PAQR6: variants seen among roughly 807,000 people sequenced by gnomAD.
PAQR6 encodes the protein progestin and adipoQ receptor family member 6.
PAQR6 carries 34 observed loss-of-function variants against 36.2 expected under a neutral mutation model. The observed-to-expected ratio is 0.94, with a 90% CI of 0.71 to 1.25. The LOEUF is 1.25. Among genes scored for constraint, PAQR6 ranks in the 50% most tolerant of loss-of-function variants. The probability of loss-of-function intolerance (pLI) is 0.00; values close to 1 mark genes in which losing one functional copy is unlikely to be tolerated. For missense variants in PAQR6, 431 were observed against 445.7 expected (o/e 0.97, Z 0.30); for synonymous variants, 190 against 190.7 (o/e 1.00, Z 0.03).
chr1:156,245,364 A>G (rs1230135357), intron 5 of PAQR6, 126 bp from the exon 6 acceptor site: 1 of 1,367,800 alleles, frequency 7.3e-7, no homozygotes, highest in Non-Finnish European at 1.0e-6. Flanking sequence ...CCGTTAGGGC[A>G]TATGACCTCC....
rs1183306731 is a variant in PAQR6, at chr1:156,246,267, A to G, written c.52-17T>C. 1 of 1,598,262 alleles carries G rather than the reference A, an allele frequency of 6.3e-7. No individual in the cohort carries two copies. The highest frequency in any genetic ancestry group is 1.3e-5 in the African/African-American group (1 of 74,608). ...CCAGAACACCTAGGGTAGTGGTGGG[A>G]GAGGAAGGGCGTCACTGTGCCCGGA... On this transcript the variant is annotated splice_polypyrimidine_tract_variant and intron_variant, in intron 2 of 7. Coordinates refer to ENST00000292291, the MANE Select transcript of PAQR6 (RefSeq NM_198406.3).
rs775171894 is a variant in PAQR6, at chr1:156,245,791, A to G, written c.376T>C (p.Tyr126His). ...CGCCTGTCCGGCTCACCCAGACTGTAGAGGCTGAGCGCGCCGTAGTCGAGG... is the reference window on the plus strand; with the variant it reads ...CGCCTGTCCGGCTCACCCAGACTGTGGAGGCTGAGCGCGCCGTAGTCGAGG... Reference protein sequence around the residue: ...YFLDYGALSLYSLGCAFPYAA... With the variant: ...YFLDYGALSLHSLGCAFPYAA... The change falls in exon 4 of 8, where the codon TAC becomes CAC. Residue 126 changes from tyrosine (Y) to histidine (H), a missense_variant. Physicochemically the swap from Tyr to His is moderately conservative, Grantham distance 83 (BLOSUM62 2). Transcript: ENST00000292291. The G allele has an allele frequency of 2.5e-6, 4 of 1,598,654 alleles. No individual in the cohort carries two copies. The East Asian group carries it at 6.8e-5, about 27-fold the overall frequency.
chr1:156,246,276 G>C, intron 2 of PAQR6, 26 bp from the exon 3 acceptor site: 14 of 1,580,616 alleles, frequency 8.9e-6, no homozygotes, highest in Non-Finnish European at 1.2e-5. Context: ...GAGAGGAAGG[G>C]CGTCACTGTG....
rs1174868301 is a variant in PAQR6 at position 156,246,829 on chromosome 1, C to T, written c.-25-73G>A. ...CAGGCCCCTTTCACCTGGGTTCAGC[C>T]GCAGGATGGGCTGTGCGTGTGGGAG... On this transcript the variant is annotated intron_variant, in intron 1 of 7. Transcript: ENST00000292291. 6.0e-6 allele frequency: 8 copies of T among 1,331,140 alleles called. No homozygotes were observed. The South Asian group carries it at 6.8e-5, about 11-fold the overall frequency. The allele number at this position is 1,331,140 out of a possible 1,614,324, so 82.5% of individuals were successfully genotyped here.
chr1:156,247,610 C>T (rs12401854), intron 1 of PAQR6: 23,401 of 156,178 alleles, frequency 0.15, 2,099 homozygotes, highest in Admixed American at 0.27. Flanking sequence ...AGCCTCTGCC[C>T]GAGATGGGTG....
intron 1 of PAQR6, among the ~76,000 whole-genome samples, chr1:156,247,181 C>T (rs969752687): frequency 5.3e-5 from 8 of 152,244 alleles, no homozygotes; most frequent in Non-Finnish European, 8.8e-5. Context: ...GAACTGAGCA[C>T]AGAACACTCT....
In PAQR6 at chr1:156,245,232, C is replaced by A; in HGVS notation, c.519G>T (p.Leu173=). Residue 173 remains leucine (L), a synonymous_variant, in exon 6 of 8, where the codon CTG becomes CTT. Coordinates refer to ENST00000292291, the MANE Select transcript of PAQR6 (RefSeq NM_198406.3). ...CTGLSCYSRF[L]ELESPGLSKV... is the part of the protein sequence containing the mutation. ...TACTGAGCCCAGGGCTTTCCAGCTC[C>A]AGGAAACTGGGAGGCGGGAGGAAAA... is the stretch of plus-strand genomic sequence containing the variant. The A allele has an allele frequency of 6.2e-7, 1 of 1,614,022 alleles. No homozygotes were observed. The highest frequency in any genetic ancestry group is 8.5e-7 in the Non-Finnish European group (1 of 1,179,962).
In PAQR6 at chr1:156,244,197, C is replaced by T. The variant is rs1255273639; in HGVS notation, c.967G>A (p.Ala323Thr). The T allele has an allele frequency of 6.2e-7, 1 of 1,612,980 alleles. No individual in the cohort carries two copies. Among genetic ancestry groups the T allele is most frequent in the Non-Finnish European group, 8.5e-7 (1 of 1,179,218 alleles). ...TGCAGCAGAGGGCATGTACTGGGGGCCCGAAGCAGGGTGGCTGTGAAAGCA... is the reference window on the plus strand; with the variant it reads ...TGCAGCAGAGGGCATGTACTGGGGGTCCGAAGCAGGGTGGCTGTGAAAGCA... ...IAAFTATLLR[A>T]PSTCPLLQGG... The change falls in exon 8 of 8, where the codon GCC becomes ACC. Residue 323 changes from alanine (A) to threonine (T), a missense_variant. Physicochemically the swap from Ala to Thr is moderately conservative, Grantham distance 58. Transcript: ENST00000292291.
chr1:156,244,434 A>G, intron 7 of PAQR6, 31 bp from the exon 8 acceptor site: 4 of 1,467,704 alleles, frequency 2.7e-6, no homozygotes, highest in Non-Finnish European at 2.7e-6. Context: ...TCAGAGCCAC[A>G]CCTTTCCCAG....
In PAQR6 at chr1:156,244,385, A is replaced by G. The variant is rs774840759; in HGVS notation, c.779T>C (p.Phe260Ser). ...FDYIGHSHQL[F>S]HICAVLGTHF... ...GGTGCCCAGCACTGCACAGATGTGGAATAACTGGTGGCTGTGGCCTGTGGA... is the reference window on the plus strand; with the variant it reads ...GGTGCCCAGCACTGCACAGATGTGGGATAACTGGTGGCTGTGGCCTGTGGA... Residue 260 changes from phenylalanine (F) to serine (S), a missense_variant, in exon 8 of 8, where the codon TTC (phenylalanine) becomes TCC (serine). Coordinates refer to ENST00000292291, the MANE Select transcript of PAQR6 (RefSeq NM_198406.3). The G allele has an allele frequency of 6.5e-7, 1 of 1,536,184 alleles. No individual in the cohort carries two copies. Among genetic ancestry groups the G allele is most frequent in the Non-Finnish European group, 8.8e-7 (1 of 1,135,872 alleles).
rs555959904 is a variant in PAQR6 at position 156,244,069 on chromosome 1, T to A, written c.*60A>T. The A allele has an allele frequency of 9.9e-6, 16 of 1,613,704 alleles. 1 individual carries two copies. In the Admixed American group the frequency reaches 2.3e-4, roughly 24 times the overall value. ...CACCTGATTAGGCCCAAATCTGGGC[T>A]CCTCGTCAGCACTGGGGCCTGGCCT... On this transcript the variant is annotated 3_prime_UTR_variant, in exon 8 of 8. Transcript: ENST00000292291.
In PAQR6 at chr1:156,245,400, G is replaced by A. The variant is rs1373161912; in HGVS notation, c.512+135C>T. 3 of 1,429,306 alleles carry A rather than the reference G, an allele frequency of 2.1e-6. No homozygotes were observed. In the East Asian group the frequency reaches 6.8e-5, roughly 33 times the overall value. The allele number at this position is 1,429,306 out of a possible 1,614,324, so 88.5% of individuals were successfully genotyped here. ...TGTGTAAAGGACCACATCTGTATGT[G>A]GGGATAAAGGGTCTGACAGAGGAAG... On this transcript the variant is annotated intron_variant, in intron 5 of 7. Transcript: ENST00000292291.
chr1:156,246,657 G>A, intron 2 of PAQR6, 24 bp downstream of exon 2: 1 of 1,612,048 alleles, frequency 6.2e-7, no homozygotes, highest in Non-Finnish European at 8.5e-7. Flanking sequence ...GGGGGTTGGT[G>A]GGTCAGTGGG....
intron 1 of PAQR6, 63 bp downstream of exon 1, chr1:156,247,881 ATGGGGGAGGGGTG>A: frequency 2.6e-6 from 1 of 390,574 alleles, no homozygotes; most frequent in Admixed American, 3.0e-5. Flanking sequence ...TGCTATGGAA[ATGGGGGAGGGGTG>A]GCTGGAGCAA....
chr1:156,247,716 G>A (rs150300080), intron 1 of PAQR6: 414 of 197,498 alleles, frequency 2.1e-3, no homozygotes, highest in African/African-American at 9.4e-3. Context: ...TCCCTTGCTC[G>A]CTCCCACAAG....
rs763234883 is a variant in PAQR6 at position 156,246,259 on chromosome 1, G to A, written c.52-9C>T. 2 of 1,605,756 alleles carry A rather than the reference G, an allele frequency of 1.2e-6. No individual in the cohort carries two copies. Among genetic ancestry groups the A allele is most frequent in the East Asian group, 2.2e-5 (1 of 44,738 alleles). On this transcript the variant is annotated splice_polypyrimidine_tract_variant and intron_variant, in intron 2 of 7. Transcript: ENST00000292291. ...CCATCTTCCCAGAACACCTAGGGTA[G>A]TGGTGGGAGAGGAAGGGCGTCACTG...
rs763822377 is a variant in PAQR6, at chr1:156,246,713, G to T, written c.19C>A (p.Pro7Thr). Residue 7 changes from proline to threonine, a missense_variant, in exon 2 of 8, where the codon CCC (proline) becomes ACC (threonine). Physicochemically the swap from Pro to Thr is conservative, Grantham distance 38 (BLOSUM62 -1). Transcript: ENST00000292291. MLSLKL[P>T]QLLQVHQVPR... ...ACCTGGTGGACTTGAAGAAGTTGGG[G>T]CAGCTTGAGACTGAGCATGGTGGCC... 2 of 1,613,806 alleles carry T rather than the reference G, an allele frequency of 1.2e-6. No individual in the cohort carries two copies. Among genetic ancestry groups the T allele is most frequent in the East Asian group, 2.2e-5 (1 of 44,882 alleles).
intron 5 of PAQR6, 84 bp downstream of exon 5, chr1:156,245,451 C>G: frequency 6.4e-7 from 1 of 1,569,524 alleles, no homozygotes; most frequent in East Asian, 2.2e-5. Context: ...CCCGATGCCT[C>G]CAGTGCTGTT....
At position 156,243,456 on chromosome 1, in the gene PAQR6, T is replaced by C; in HGVS notation, c.*673A>G. The C allele has an allele frequency of 2.1e-6, 1 of 486,920 alleles. No individual in the cohort carries two copies. Among genetic ancestry groups the C allele is most frequent in the Non-Finnish European group, 3.6e-6 (1 of 279,960 alleles). The allele number at this position is 486,920 out of a possible 1,614,324, so 30.2% of individuals were successfully genotyped here. ...ATTTTTTTATTTGTACCTGCCTTGTTCCAGAAAACGTTGAAGGTGGCTTCC... is the reference window on the plus strand; with the variant it reads ...ATTTTTTTATTTGTACCTGCCTTGTCCCAGAAAACGTTGAAGGTGGCTTCC... On this transcript the variant is annotated 3_prime_UTR_variant, in exon 8 of 8. Transcript: ENST00000292291.
Sources: gnomAD v4.1 joint callset for allele counts (sites outside exome capture counted in the v4.1 genomes callset) on GRCh38, gnomAD v4.1.1 for gene constraint, MANE v1.5 for transcripts, NCBI Gene and HGNC (gene_info 2026-07-23, HGNC 2026-07-21) for gene names.